The following EML5 variants were observed in gnomAD, a reference collection of about 807,000 sequenced individuals.
The protein encoded by EML5 is EMAP like 5.
EML5 carries 120 observed loss-of-function variants against 250.0 expected under a neutral mutation model. The observed-to-expected ratio is 0.48, with a 90% CI of 0.41 to 0.56. The LOEUF is 0.56. EML5 is among the 20% of genes least tolerant of loss of function. The probability of loss-of-function intolerance (pLI) is 0.00; values close to 1 mark genes in which losing one functional copy is unlikely to be tolerated. For missense variants in EML5, 2,006 were observed against 2,437.6 expected, an observed-to-expected ratio of 0.82 and a Z score of 3.73; for synonymous variants, 771 against 806.5, an observed-to-expected ratio of 0.96 and a Z score of 0.75.
intron 40 of EML5, 122 bp downstream of exon 40, chr14:88,618,528 G>T: frequency 8.1e-7 from 1 of 1,230,928 alleles, no homozygotes; most frequent in Non-Finnish European, 1.1e-6. Context: ...TAGGTCAGAA[G>T]GTACAAAGGG....
At chr14:88,639,842 A>G (rs2090960007) in intron 31 of EML5, among the ~76,000 whole-genome samples, 1 of 152,128 alleles carries the variant, frequency 6.6e-6, no homozygotes. Flanking sequence ...TAGCCTCCCA[A>G]AATGCTGGGA....
chr14:88,738,931 A>G lies in EML5; in HGVS notation c.795T>C (p.Thr265=). The G allele has an allele frequency of 6.3e-7, 1 of 1,598,428 alleles. No homozygotes were observed. The highest frequency in any genetic ancestry group is 1.1e-5 in the South Asian group (1 of 87,640). The part of the protein sequence containing the change: ...RDGCIRLWDL[T]FKPITVIDLR... ...GATCAATCACAGTAATTGGTTTAAA[A>G]GTTAAATCCCAAAGACGAATACAAC... is the stretch of plus-strand genomic sequence containing the variant. Residue 265 remains threonine (T), a synonymous_variant, in exon 6 of 44, where the codon ACT becomes ACC. Coordinates refer to ENST00000554922, the MANE Select transcript of EML5 (RefSeq NM_183387.3).
intron 36 of EML5, chr14:88,622,988 A>G: frequency 3.6e-6 from 1 of 277,288 alleles, no homozygotes; most frequent in Non-Finnish European, 6.6e-6. Context: ...TCTACAATAC[A>G]TTACAATACA....
chr14:88,764,918 A>AAT (rs2094300515), intron 1 of EML5, among the ~76,000 whole-genome samples: 2 of 152,160 alleles, frequency 1.3e-5, no homozygotes. Context: ...TTTGTTTTAT[A>AAT]ATATATAGCC....
chr14:88,754,726 T>G, intron 1 of EML5, 55 bp from the exon 2 acceptor site: 1 of 1,440,438 alleles, frequency 6.9e-7, no homozygotes. Flanking sequence ...TATACAGATT[T>G]TATAGTATTT....
chr14:88,667,335 TTTGTGTTAAAAGAATATTCC>T (rs758638671), intron 21 of EML5, among the ~76,000 whole-genome samples: 12 of 152,204 alleles, frequency 7.9e-5, no homozygotes, highest in Non-Finnish European at 1.8e-4. Flanking sequence ...ACTTTACAAT[TTTGTGTTAAAAGAATATTCC>T]TTGTGTTAAA....
intron 1 of EML5, among the ~76,000 whole-genome samples, chr14:88,765,601 T>G (rs1595826446): frequency 6.6e-6 from 1 of 152,322 alleles, no homozygotes; most frequent in East Asian, 1.9e-4. Flanking sequence ...ACTCTCAATA[T>G]CTTAAGGTAC....
At chr14:88,716,237 G>C (rs1435949279) in intron 8 of EML5, among the ~76,000 whole-genome samples, 1 of 152,156 alleles carries the variant, frequency 6.6e-6, no homozygotes, top group Non-Finnish European at 1.5e-5. Context: ...CATAGTACTA[G>C]AAATAGAAAT....
chr14:88,669,020 A>G (rs1462591132), intron 21 of EML5, among the ~76,000 whole-genome samples: 1 of 152,100 alleles, frequency 6.6e-6, no homozygotes, highest in African/African-American at 2.4e-5. Context: ...GGCATGACCC[A>G]TGGAGAGTGA....
At position 88,715,165 on chromosome 14, in the gene EML5, A is replaced by G. The variant is rs746515867; in HGVS notation, c.1218T>C (p.Asp406=). ...TTAACTCATGAATTGCCTCCTTCCT[A>G]TCTTTAATATGTACAACTTCCGTCA... The part of the protein sequence containing the change: ...RDMTEVVHIK[D]RKEAIHELKY... The change falls in exon 9 of 44, where the codon GAT becomes GAC. Residue 406 remains aspartate, a synonymous_variant. Coordinates refer to ENST00000554922, the MANE Select transcript of EML5 (RefSeq NM_183387.3). The G allele has an allele frequency of 3.1e-6, 5 of 1,603,108 alleles. No individual in the cohort carries two copies. Among genetic ancestry groups the G allele is most frequent in the Admixed American group, 1.7e-5 (1 of 57,966 alleles).
rs1382954681 is a variant in EML5 at position 88,687,237 on chromosome 14, C to A, written c.2833G>T (p.Ala945Ser). 3.1e-6 allele frequency: 5 copies of A among 1,610,310 alleles called. No individual in the cohort carries two copies. Among genetic ancestry groups the A allele is most frequent in the Non-Finnish European group, 4.2e-6 (5 of 1,178,450 alleles). ...CLKTYAIKRA[A>S]LAPGSKGLLL... ...TCACCTTTAGATCCTGGGGCCAATG[C>A]AGCTCTTTTTATAGCATAGGTCTTG... Residue 945 changes from alanine to serine, a missense_variant, in exon 19 of 44, where the codon GCA becomes TCA. By Grantham distance (99) the Ala-to-Ser change is moderately conservative. Coordinates refer to ENST00000554922, the MANE Select transcript of EML5 (RefSeq NM_183387.3).
chr14:88,738,658 A>C (rs2093881609), intron 6 of EML5, among the ~76,000 whole-genome samples: 1 of 152,232 alleles, frequency 6.6e-6, no homozygotes, highest in Admixed American at 6.5e-5. Flanking sequence ...AATAGATATT[A>C]GACTTATGAA....
intron 21 of EML5, among the ~76,000 whole-genome samples, chr14:88,681,657 C>T (rs1296186393): frequency 6.6e-6 from 1 of 152,056 alleles, no homozygotes; most frequent in Admixed American, 6.6e-5. Context: ...ATTCTTTATT[C>T]AACAAGTTAT....
chr14:88,675,599 T>C (rs2092576498), intron 21 of EML5, among the ~76,000 whole-genome samples: 1 of 152,204 alleles, frequency 6.6e-6, no homozygotes, highest in Non-Finnish European at 1.5e-5. Context: ...ACTTCTGACA[T>C]GCCCTGGAGA....
intron 17 of EML5, among the ~76,000 whole-genome samples, chr14:88,693,535 C>A (rs2093006499): frequency 6.6e-6 from 1 of 152,124 alleles, no homozygotes; most frequent in Admixed American, 6.6e-5. Context: ...GGGATTATTA[C>A]AAGTGAAGGT....
intron 21 of EML5, among the ~76,000 whole-genome samples, chr14:88,672,258 TAAC>T (rs2141057995): frequency 6.6e-6 from 1 of 152,114 alleles, no homozygotes; most frequent in Admixed American, 6.6e-5. Flanking sequence ...TAAAACCACA[TAAC>T]TACACAGAAA....
intron 8 of EML5, among the ~76,000 whole-genome samples, chr14:88,721,110 G>A (rs1398365116): frequency 1.3e-5 from 2 of 151,966 alleles, no homozygotes; most frequent in East Asian, 3.8e-4. Flanking sequence ...CACTGCACAA[G>A]GAAATAAAAG....
At chr14:88,644,304 A>G in intron 30 of EML5, 129 bp downstream of exon 30, 1 of 745,158 alleles carries the variant, frequency 1.3e-6, no homozygotes, top group Non-Finnish European at 2.2e-6. Context: ...CTTACATAAG[A>G]ATTAAGTCAA....
At chr14:88,701,079 C>T (rs2093198902) in intron 14 of EML5, among the ~76,000 whole-genome samples, 1 of 152,128 alleles carries the variant, frequency 6.6e-6, no homozygotes, top group Admixed American at 6.6e-5. Flanking sequence ...TTCTTCGATT[C>T]TACTGGGCAA....
Sources: allele counts gnomAD v4.1 joint callset (sites outside exome capture counted in the v4.1 genomes callset), GRCh38; gene constraint gnomAD v4.1.1; transcripts MANE v1.5; gene names NCBI Gene and HGNC (gene_info 2026-07-23, HGNC 2026-07-21).